CPNE7: variants seen among roughly 807,000 people sequenced by gnomAD.
CPNE7 encodes the protein copine 7, also known as copine-7.
In CPNE7, 78 loss-of-function variants were observed where a neutral mutation model predicts 66.5. That is an observed-to-expected ratio of 1.17 (90% CI 0.98 to 1.42). CPNE7 has a LOEUF of 1.42. Among genes scored for constraint, CPNE7 ranks in the 40% most tolerant of loss-of-function variants. The pLI, the probability that CPNE7 is intolerant of heterozygous loss-of-function variation, is 0.00. For missense variants in CPNE7, 1,012 were observed against 776.6 expected, an observed-to-expected ratio of 1.30 and a Z score of -3.60; for synonymous variants, 468 against 336.7, an observed-to-expected ratio of 1.39 and a Z score of -4.27.
At position 89,587,037 on chromosome 16, in the gene CPNE7, C is replaced by G. The variant is rs199975723; in HGVS notation, c.868-6C>G. ...GGGGGTGGACGCTGACTCCGCCGGC[C>G]GGAAGTTCCACAGGGTGTACTCCTT... On this transcript the variant is annotated splice_region_variant and splice_polypyrimidine_tract_variant and intron_variant, in intron 8 of 14. Coordinates refer to ENST00000319518, the MANE Select transcript of CPNE7 (RefSeq NM_153636.3). 3 of 1,576,670 alleles carry G rather than the reference C, an allele frequency of 1.9e-6. No homozygotes were observed. The highest frequency in any genetic ancestry group is 2.6e-6 in the Non-Finnish European group (3 of 1,160,850).
intron 11 of CPNE7, 52 bp from the exon 12 acceptor site, chr16:89,590,955 A>G: frequency 1.3e-6 from 2 of 1,599,286 alleles, no homozygotes; most frequent in Non-Finnish European, 1.7e-6. Flanking sequence ...ACATGGGGCC[A>G]GTGGGGTGTG....
At chr16:89,578,061 CTTTTTCTTTTTTTTTT>C (rs2058888606) in intron 2 of CPNE7, among the ~76,000 whole-genome samples, 1 of 123,816 alleles carries the variant, frequency 8.1e-6, no homozygotes, top group Non-Finnish European at 1.7e-5. Context: ...TCTTTTTTTT[CTTTTTCTTTTTTTTTT>C]TTTTTGAGAT....
Position 89,585,565 on chromosome 16 carries a change from G to C in CPNE7, c.681+12G>C. On this transcript the variant is annotated intron_variant, in intron 6 of 14. Coordinates refer to ENST00000319518, the MANE Select transcript of CPNE7 (RefSeq NM_153636.3). ...CAAGGCCTCTAAAGGTGGGGGACGG[G>C]ATGGACCAAGGGGGCAGTGAGGGGG... 4 of 1,605,910 alleles carry C rather than the reference G, an allele frequency of 2.5e-6. No individual in the cohort carries two copies. Among genetic ancestry groups the C allele is most frequent in the Non-Finnish European group, 3.4e-6 (4 of 1,175,622 alleles).
At chr16:89,586,781 CT>C in intron 8 of CPNE7, 25 bp downstream of exon 8, 1 of 1,593,862 alleles carries the variant, frequency 6.3e-7, no homozygotes, top group Non-Finnish European at 8.6e-7. Context: ...TGCCCGAAGC[CT>C]CCCCACCCAC....
chr16:89,577,490 C>A (rs1175803906), intron 1 of CPNE7, 49 bp from the exon 2 acceptor site: 10 of 1,537,620 alleles, frequency 6.5e-6, no homozygotes, highest in Non-Finnish European at 8.8e-6. Context: ...GGTCTGGAGC[C>A]CGGGGTGGAA....
chr16:89,595,677 AG>A, intron 14 of CPNE7, 74 bp downstream of exon 14: 1 of 1,329,348 alleles, frequency 7.5e-7, no homozygotes, highest in South Asian at 1.3e-5. Flanking sequence ...AGACCTTCCC[AG>A]GCCAGGCTCA....
intron 13 of CPNE7, among the ~76,000 whole-genome samples, chr16:89,593,042 C>A (rs56128121): frequency 0.09 from 13,633 of 151,404 alleles, 702 homozygotes; most frequent in South Asian, 0.2. Context: ...AAACTCCTGA[C>A]CTCAAGTGAT....
rs2271914 is a variant in CPNE7, at chr16:89,577,770, C to A, written c.357+49C>A. On this transcript the variant is annotated intron_variant, in intron 2 of 14. Transcript: ENST00000319518. Reference sequence around the variant, plus strand: ...GGAGGAGGACGGTTGGCGTGGGGGCCACAGCCGATTCAAGGCTGATGTACC... The same window carrying A: ...GGAGGAGGACGGTTGGCGTGGGGGCAACAGCCGATTCAAGGCTGATGTACC... 40,760 of 1,534,310 alleles carry A rather than the reference C, an allele frequency of 0.027. 4,997 individuals carry two copies. The East Asian group carries it at 0.41, about 15-fold the overall frequency.
intron 8 of CPNE7, 57 bp from the exon 9 acceptor site, chr16:89,586,986 C>G (rs1005329924): frequency 6.6e-7 from 1 of 1,512,414 alleles, no homozygotes; most frequent in African/African-American, 1.4e-5. Context: ...TGGATCCCAG[C>G]TGGCACTGGC....
chr16:89,589,063 G>A (rs533836227), intron 10 of CPNE7, among the ~76,000 whole-genome samples: 29 of 152,250 alleles, frequency 1.9e-4, no homozygotes, highest in Admixed American at 9.2e-4. Flanking sequence ...AGGCCGAGGC[G>A]GGTGGATCAC....
At chr16:89,586,315 G>C (rs1484296105) in intron 7 of CPNE7, among the ~76,000 whole-genome samples, 1 of 152,034 alleles carries the variant, frequency 6.6e-6, no homozygotes, top group East Asian at 1.9e-4. Flanking sequence ...TGGGCACAGG[G>C]GTGGTGGGAG....
intron 13 of CPNE7, among the ~76,000 whole-genome samples, chr16:89,593,339 C>G (rs1028899717): frequency 1.3e-5 from 2 of 151,484 alleles, no homozygotes; most frequent in African/African-American, 4.9e-5. Context: ...GTTGCAACAT[C>G]ACGGTTTTAC....
intron 5 of CPNE7, 92 bp from the exon 6 acceptor site, chr16:89,585,372 G>C: frequency 5.7e-6 from 5 of 877,546 alleles, no homozygotes; most frequent in East Asian, 5.3e-5. Flanking sequence ...AGCTGTGCCC[G>C]CCTCACAGCT....
intron 9 of CPNE7, chr16:89,587,655 CCCAT>C (rs1555623941): frequency 5.2e-5 from 23 of 442,376 alleles, no homozygotes; most frequent in Admixed American, 1.4e-4. Flanking sequence ...CCGTGTCACC[CCCAT>C]GTCACCCGCA....
At chr16:89,583,863 C>T in intron 3 of CPNE7, 92 bp downstream of exon 3, 1 of 1,497,630 alleles carries the variant, frequency 6.7e-7, no homozygotes, top group Admixed American at 1.8e-5. Flanking sequence ...AGCGTGCCGT[C>T]CAGGGAGGGT....
intron 5 of CPNE7, 55 bp from the exon 6 acceptor site, chr16:89,585,409 C>CA: frequency 7.8e-7 from 1 of 1,287,958 alleles, no homozygotes; most frequent in Non-Finnish European, 1.1e-6. Context: ...CTCTATCCCC[C>CA]CCAAGGATCC....
chr16:89,586,306 G>T (rs1324972134), intron 7 of CPNE7, among the ~76,000 whole-genome samples: 1 of 152,020 alleles, frequency 6.6e-6, no homozygotes, highest in Non-Finnish European at 1.5e-5. Context: ...ATCTGGGTCT[G>T]GGCACAGGGG....
At chr16:89,594,487 G>A (rs1370820998) in intron 13 of CPNE7, among the ~76,000 whole-genome samples, 2 of 152,068 alleles carry the variant, frequency 1.3e-5, no homozygotes, top group African/African-American at 2.4e-5. Context: ...CTCAGTCAAG[G>A]CCAGCCCAGG....
chr16:89,584,365 G>C lies in CPNE7; in HGVS notation c.507+263G>C, dbSNP rs1597701221. Among the ~76,000 whole-genome samples the C allele has an allele frequency of 6.6e-6, 1 of 152,354 alleles. No individual in the cohort carries two copies. Among genetic ancestry groups the C allele is most frequent in the East Asian group, 1.9e-4 (1 of 5,190 alleles). On this transcript the variant is annotated intron_variant, in intron 4 of 14. Transcript: ENST00000319518. This position sits in a 1 kb window ranked among gnomAD's most constrained non-coding sequence, Gnocchi z 6.0. ...CACTCATGACCCTGCTCAGGGATGGGGAAATAGGCCCAGCACCCCCGAGGC... is the reference window on the plus strand; with the variant it reads ...CACTCATGACCCTGCTCAGGGATGGCGAAATAGGCCCAGCACCCCCGAGGC...
Sources: gnomAD v4.1 joint callset for allele counts (sites outside exome capture counted in the v4.1 genomes callset) on GRCh38, gnomAD v4.1.1 for gene constraint, Gnocchi (gnomAD v3.1) non-coding constraint, MANE v1.5 for transcripts, NCBI Gene and HGNC (gene_info 2026-07-23, HGNC 2026-07-21) for gene names.